ADAM18: variants seen among roughly 807,000 people sequenced by gnomAD.
The protein encoded by ADAM18 is ADAM metallopeptidase domain 18, also known as disintegrin and metalloproteinase domain-containing protein 18.
Under a neutral mutation model 94.4 loss-of-function variants are expected in ADAM18, and 117 were observed. The ratio of observed to expected loss-of-function variants is 1.24; its 90% CI spans 1.07 to 1.45. ADAM18 has a LOEUF of 1.45. Ranked by LOEUF, ADAM18 falls within the 40% of genes most tolerant of loss-of-function variation. The probability of loss-of-function intolerance (pLI) is 0.00; values close to 1 mark genes in which losing one functional copy is unlikely to be tolerated. For synonymous variants in ADAM18, 327 were observed against 291.6 expected (o/e 1.12, Z -1.24); for missense variants, 936 against 880.0 (o/e 1.06, Z -0.81).
intron 11 of ADAM18, among the ~76,000 whole-genome samples, chr8:39,647,515 C>T (rs1379088070): frequency 2.0e-5 from 3 of 152,132 alleles, no homozygotes; most frequent in African/African-American, 7.2e-5. Context: ...CTTCCTCTAT[C>T]TCAACTGCAA....
chr8:39,707,106 T>C (rs1370997681), intron 18 of ADAM18, among the ~76,000 whole-genome samples: 5 of 152,210 alleles, frequency 3.3e-5, no homozygotes, highest in Admixed American at 3.3e-4. Flanking sequence ...TGCTTTTTCC[T>C]ACATATACAT....
In ADAM18 at chr8:39,706,896, A is replaced by T; in HGVS notation, c.2009A>T (p.Gln670Leu). ...PGGSIDDGNF[Q>L]KSGDFYTEKG... ...GGTAGTATTGATGATGGAAATTTTCAGAAATCTGGTAAGTGGAAATTTGTT... is the reference window on the plus strand; with the variant it reads ...GGTAGTATTGATGATGGAAATTTTCTGAAATCTGGTAAGTGGAAATTTGTT... The change falls in exon 18 of 20, where the codon CAG becomes CTG. Residue 670 changes from glutamine to leucine, a missense_variant. Gln to Leu is a moderately radical substitution (Grantham distance 113). Coordinates refer to ENST00000265707, the MANE Select transcript of ADAM18 (RefSeq NM_014237.3). The T allele has an allele frequency of 6.4e-7, 1 of 1,574,748 alleles. No individual in the cohort carries two copies. The highest frequency in any genetic ancestry group is 8.7e-7 in the Non-Finnish European group (1 of 1,150,834).
chr8:39,668,510 A>ATAAT (rs1821057611), intron 14 of ADAM18, among the ~76,000 whole-genome samples: 1 of 152,116 alleles, frequency 6.6e-6, no homozygotes, highest in Non-Finnish European at 1.5e-5. Flanking sequence ...TCCTATTACT[A>ATAAT]CCCACATTCA....
At position 39,677,431 on chromosome 8, in the gene ADAM18, G is replaced by A; in HGVS notation, c.1526G>A (p.Gly509Asp). ...DNQCAKIFGK[G>D]AQGAPFACFK... The stretch of plus-strand genomic sequence containing the variant: ...TCAACTGACATGTTTGCATTTTAAG[G>A]TGCTCAAGGTGCTCCATTTGCCTGT... The change falls in exon 15 of 20, where the codon GGT (glycine) becomes GAT (aspartate). Residue 509 changes from glycine to aspartate, a missense_variant and splice_region_variant. Gly to Asp is a moderately conservative substitution (Grantham distance 94). Transcript: ENST00000265707. 1.3e-6 allele frequency: 2 copies of A among 1,598,692 alleles called. No individual in the cohort carries two copies. Among genetic ancestry groups the A allele is most frequent in the Non-Finnish European group, 1.7e-6 (2 of 1,175,658 alleles).
rs533465423 is a variant in ADAM18, at chr8:39,624,683, G to A, written c.523-4691G>A. Among the ~76,000 whole-genome samples the A allele has an allele frequency of 4.6e-4, 70 of 152,318 alleles. 1 individual carries two copies. In the South Asian group the frequency reaches 0.013, roughly 27 times the overall value. The stretch of plus-strand genomic sequence containing the variant: ...TCCTCAGTGTTGGAGGTGGGGCCTC[G>A]TGGAAGGTGATTAGATCACGGAGGT... On this transcript the variant is annotated intron_variant, in intron 6 of 19. Transcript: ENST00000265707.
At chr8:39,650,758 C>A (rs538977210) in intron 12 of ADAM18, among the ~76,000 whole-genome samples, 1 of 152,278 alleles carries the variant, frequency 6.6e-6, no homozygotes, top group Non-Finnish European at 1.5e-5. Context: ...ATCCCAATAA[C>A]ATTTTGCACG....
chr8:39,697,148 A>C (rs748925356), intron 17 of ADAM18, among the ~76,000 whole-genome samples: 1 of 151,176 alleles, frequency 6.6e-6, no homozygotes, highest in East Asian at 1.9e-4. Context: ...TTGTTTTCTC[A>C]ATTTCCTTTT....
intron 6 of ADAM18, among the ~76,000 whole-genome samples, chr8:39,619,626 A>C (rs543863883): frequency 6.6e-6 from 1 of 152,284 alleles, no homozygotes; most frequent in East Asian, 1.9e-4. Context: ...AATTCAAGAA[A>C]ACAATCCCAT....
intron 18 of ADAM18, among the ~76,000 whole-genome samples, chr8:39,720,654 A>G (rs562726550): frequency 6.6e-6 from 1 of 151,592 alleles, no homozygotes; most frequent in East Asian, 1.9e-4. Context: ...CATGGGGTTT[A>G]CATTTGTGAG....
In ADAM18 at chr8:39,634,214, C is replaced by T. The variant is rs557900746; in HGVS notation, c.589-3050C>T. ...AGACTGTGGTTTCAAAGGGTGCAGACTGTGAACCTTGGCTGTGTCCACCTG... is the reference window on the plus strand; with the variant it reads ...AGACTGTGGTTTCAAAGGGTGCAGATTGTGAACCTTGGCTGTGTCCACCTG... On this transcript the variant is annotated intron_variant, in intron 7 of 19. Transcript: ENST00000265707. Among the ~76,000 whole-genome samples the T allele has an allele frequency of 2.1e-4, 32 of 152,258 alleles. No homozygotes were observed. In the South Asian group the frequency reaches 6.6e-3, roughly 32 times the overall value.
chr8:39,712,002 A>C (rs1822417323), intron 18 of ADAM18, among the ~76,000 whole-genome samples: 1 of 151,698 alleles, frequency 6.6e-6, no homozygotes, highest in Non-Finnish European at 1.5e-5. Context: ...ACATGGAATA[A>C]TATAAAATGG....
Position 39,623,698 on chromosome 8 carries a change from G to A in ADAM18, c.523-5676G>A, listed in dbSNP as rs565574489. 5.4e-4 allele frequency among the ~76,000 whole-genome samples: 82 copies of A among 152,164 alleles called. No individual in the cohort carries two copies. In the Middle Eastern group the frequency reaches 0.01, roughly 19 times the overall value. Reference sequence around the variant, plus strand: ...TGCAAGCTTCGCCTCCCGGGTTCACGCCACTCCCTTCCCTCAGCCTCCCGA... The same window carrying A: ...TGCAAGCTTCGCCTCCCGGGTTCACACCACTCCCTTCCCTCAGCCTCCCGA... On this transcript the variant is annotated intron_variant, in intron 6 of 19. Transcript: ENST00000265707.
intron 13 of ADAM18, among the ~76,000 whole-genome samples, chr8:39,666,404 G>A (rs1055498787): frequency 6.6e-6 from 1 of 152,048 alleles, no homozygotes; most frequent in African/African-American, 2.4e-5. Flanking sequence ...TATAGTTACA[G>A]GGTATGGAAT....
At chr8:39,717,355 A>T (rs984131448) in intron 18 of ADAM18, among the ~76,000 whole-genome samples, 10 of 151,928 alleles carry the variant, frequency 6.6e-5, no homozygotes, top group Non-Finnish European at 1.3e-4. Context: ...ATTAAAAGTG[A>T]TTTACTCATC....
intron 7 of ADAM18, among the ~76,000 whole-genome samples, chr8:39,632,055 T>C (rs1819944808): frequency 1.3e-5 from 2 of 152,012 alleles, no homozygotes; most frequent in Admixed American, 1.3e-4. Flanking sequence ...GTTTCATTTT[T>C]GGTAGATTTT....
At chr8:39,670,891 T>C (rs1189342140) in intron 14 of ADAM18, among the ~76,000 whole-genome samples, 1 of 152,198 alleles carries the variant, frequency 6.6e-6, no homozygotes, top group East Asian at 1.9e-4. Flanking sequence ...AATGATTACG[T>C]GAGGTGGGGG....
intron 18 of ADAM18, among the ~76,000 whole-genome samples, chr8:39,713,036 A>G (rs1822462409): frequency 6.6e-6 from 1 of 152,192 alleles, no homozygotes; most frequent in Non-Finnish European, 1.5e-5. Flanking sequence ...CTGACTTCCA[A>G]CCATACTACA....
chr8:39,709,946 G>T (rs1000265014), intron 18 of ADAM18, among the ~76,000 whole-genome samples: 7 of 152,182 alleles, frequency 4.6e-5, no homozygotes, highest in Non-Finnish European at 1.0e-4. Context: ...ATTTAAGTTT[G>T]GATAGACAGA....
intron 17 of ADAM18, among the ~76,000 whole-genome samples, chr8:39,697,661 T>C (rs572675111): frequency 2.6e-5 from 4 of 151,790 alleles, no homozygotes; most frequent in Admixed American, 2.0e-4. Flanking sequence ...TGTTTATTTC[T>C]GTTAAAAATT....
Sources: gnomAD v4.1 joint callset for allele counts (sites outside exome capture counted in the v4.1 genomes callset) on GRCh38, gnomAD v4.1.1 for gene constraint, MANE v1.5 for transcripts, NCBI Gene and HGNC (gene_info 2026-07-23, HGNC 2026-07-21) for gene names.